Variants in EPB41L5 observed in about 807,000 individuals in gnomAD.
EPB41L5 encodes erythrocyte membrane protein band 4.1 like 5.
A neutral mutation model predicts 106.6 loss-of-function variants in EPB41L5; 55 were observed. That is an observed-to-expected ratio of 0.52 (90% confidence interval 0.42 to 0.65). The LOEUF is 0.65. Among genes scored for constraint, EPB41L5 ranks in the 30% least tolerant of loss-of-function variants. EPB41L5 has a pLI of 0.00. For synonymous variants in EPB41L5, 297 were observed against 306.7 expected, an observed-to-expected ratio of 0.97 and a Z score of 0.33; for missense variants, 871 against 882.1, an observed-to-expected ratio of 0.99 and a Z score of 0.16.
At chr2:120,163,980 CTT>C (rs70949387) in intron 21 of EPB41L5, among the ~76,000 whole-genome samples, 9 of 68,140 alleles carry the variant, frequency 1.3e-4, no homozygotes, top group Middle Eastern at 0.016. Context: ...TTTGTATTTA[CTT>C]TTTTTTTTTT....
At chr2:120,138,798 C>A (rs763231370) in intron 18 of EPB41L5, among the ~76,000 whole-genome samples, 1 of 151,888 alleles carries the variant, frequency 6.6e-6, no homozygotes, top group Non-Finnish European at 1.5e-5. Flanking sequence ...TATCAAAATA[C>A]CAATGATATT....
chr2:120,043,483 G>T (rs1422686034), intron 3 of EPB41L5, among the ~76,000 whole-genome samples: 1 of 151,940 alleles, frequency 6.6e-6, no homozygotes, highest in Non-Finnish European at 1.5e-5. Flanking sequence ...GGAGGCAGAG[G>T]TTGCAGTGAG....
chr2:120,032,245 G>A (rs80109802), intron 2 of EPB41L5, among the ~76,000 whole-genome samples: 2 of 152,064 alleles, frequency 1.3e-5, no homozygotes, highest in Non-Finnish European at 2.9e-5. Context: ...GCTCAGCCTG[G>A]TGGGCGCCTG....
intron 20 of EPB41L5, among the ~76,000 whole-genome samples, chr2:120,149,703 A>G (rs555001547): frequency 4.9e-4 from 75 of 152,280 alleles, no homozygotes; most frequent in Middle Eastern, 6.8e-3. Flanking sequence ...GTCATGTACA[A>G]TTTTGTGTTT....
intron 16 of EPB41L5, chr2:120,104,583 A>G: frequency 1.0e-6 from 1 of 999,828 alleles, no homozygotes; most frequent in East Asian, 1.0e-4. Context: ...TTCCCCCACC[A>G]CATGCCATCC....
chr2:120,101,011 A>G (rs554528592), intron 16 of EPB41L5, among the ~76,000 whole-genome samples, 197 bp downstream of exon 16: 11 of 152,354 alleles, frequency 7.2e-5, no homozygotes, highest in African/African-American at 2.6e-4. Flanking sequence ...GCAGTTGTCT[A>G]AATGAAGACC....
intron 16 of EPB41L5, chr2:120,104,061 C>G: frequency 6.5e-7 from 1 of 1,532,346 alleles, no homozygotes. Flanking sequence ...ACCATCCAGG[C>G]TCTCTGCTGC....
At chr2:120,025,993 A>G (rs752132699) in intron 2 of EPB41L5, among the ~76,000 whole-genome samples, 8 of 152,196 alleles carry the variant, frequency 5.3e-5, no homozygotes, top group Non-Finnish European at 1.0e-4. Flanking sequence ...CATGGGTCAG[A>G]TGATTTTTGA....
chr2:120,063,154 A>C (rs1376320335), intron 3 of EPB41L5, among the ~76,000 whole-genome samples: 1 of 151,870 alleles, frequency 6.6e-6, no homozygotes, highest in Non-Finnish European at 1.5e-5. Context: ...AGCCCGGCCA[A>C]CCTGGTGAAA....
chr2:120,154,966 ATTAAAG>A (rs1298381594), intron 20 of EPB41L5, among the ~76,000 whole-genome samples: 2 of 152,328 alleles, frequency 1.3e-5, no homozygotes, highest in East Asian at 1.9e-4. Context: ...TTGTGGGCCT[ATTAAAG>A]TTAATTTGTA....
In EPB41L5 at chr2:120,177,814, A is replaced by G. The variant is rs1687971573; in HGVS notation, c.*2907A>G. 6.6e-6 allele frequency: 1 copy of G among 152,166 alleles called. No individual in the cohort carries two copies. Among genetic ancestry groups the G allele is most frequent in the Non-Finnish European group, 1.5e-5 (1 of 68,034 alleles). 9.4% of individuals were successfully genotyped at this position (152,166 alleles called of 1,614,324 possible). On this transcript the variant is annotated 3_prime_UTR_variant, in exon 25 of 25. Coordinates refer to ENST00000263713, the MANE Select transcript of EPB41L5 (RefSeq NM_020909.4). ...GCCTTTGTACAATCACAGATATCCT[A>G]TGGAGATTTAAGGATGAAAGCCCTG... is the stretch of plus-strand genomic sequence containing the variant.
chr2:120,169,079 A>C (rs187413658), intron 24 of EPB41L5, among the ~76,000 whole-genome samples: 17 of 152,346 alleles, frequency 1.1e-4, no homozygotes, highest in Middle Eastern at 3.4e-3. Flanking sequence ...AGCAGAGCTT[A>C]TCTCTTTCTT....
chr2:120,171,418 A>AT (rs1300593003), intron 24 of EPB41L5, among the ~76,000 whole-genome samples: 1 of 152,214 alleles, frequency 6.6e-6, no homozygotes, highest in Non-Finnish European at 1.5e-5. Flanking sequence ...ACCCTTGCCC[A>AT]TTTTAGCATA....
At chr2:120,098,784 C>T (rs141432374) in intron 14 of EPB41L5, among the ~76,000 whole-genome samples, 122 of 152,334 alleles carry the variant, frequency 8.0e-4, no homozygotes, top group African/African-American at 2.8e-3. Context: ...CAGGGCCTCT[C>T]TTCATTCTTA....
Position 120,131,706 on chromosome 2 carries a change from A to G in EPB41L5, c.1590A>G (p.Ile530Met). 1 of 1,612,816 alleles carries G rather than the reference A, an allele frequency of 6.2e-7. No homozygotes were observed. The highest frequency in any genetic ancestry group is 8.5e-7 in the Non-Finnish European group (1 of 1,178,870). ...CTCGATCCAACATCGATGTTAACAT[A>G]AACAGCCAGGTATTCAGATTTCCCC... ...LSPRSNIDVNINSQEEVVKLT... is the reference protein window; with the variant it reads ...LSPRSNIDVNMNSQEEVVKLT... Residue 530 changes from isoleucine to methionine, a missense_variant, in exon 18 of 25, where the codon ATA becomes ATG. Ile to Met is a conservative substitution (Grantham distance 10). Coordinates refer to ENST00000263713, the MANE Select transcript of EPB41L5 (RefSeq NM_020909.4).
intron 1 of EPB41L5, among the ~76,000 whole-genome samples, chr2:120,016,129 T>C (rs555123450): frequency 1.6e-4 from 24 of 152,216 alleles, no homozygotes; most frequent in African/African-American, 5.8e-4. Flanking sequence ...GGAATATGCA[T>C]GTTAAAATTT....
At chr2:120,042,879 G>A (rs1294816810) in intron 3 of EPB41L5, among the ~76,000 whole-genome samples, 4 of 152,062 alleles carry the variant, frequency 2.6e-5, no homozygotes, top group Non-Finnish European at 5.9e-5. Flanking sequence ...TGAAGTCAGG[G>A]AAAGTTATTA....
chr2:120,074,205 A>G, intron 5 of EPB41L5, 27 bp downstream of exon 5: 1 of 1,550,502 alleles, frequency 6.4e-7, no homozygotes, highest in Non-Finnish European at 8.8e-7. Context: ...GAATTGTGCC[A>G]GGGTTATTTT....
chr2:120,156,460 T>G (rs1181998314), intron 20 of EPB41L5, among the ~76,000 whole-genome samples: 2 of 152,296 alleles, frequency 1.3e-5, no homozygotes, highest in East Asian at 3.9e-4. Context: ...ATGGGCTGGC[T>G]TTGTTTCCTT....
Sources: allele counts gnomAD v4.1 joint callset (sites outside exome capture counted in the v4.1 genomes callset), GRCh38; gene constraint gnomAD v4.1.1; transcripts MANE v1.5; gene names NCBI Gene and HGNC (gene_info 2026-07-23, HGNC 2026-07-21).